COL6A1: variants seen among roughly 807,000 people sequenced by gnomAD.
COL6A1 encodes the protein collagen type VI alpha 1 chain.
COL6A1 carries 80 observed loss-of-function variants against 145.6 expected under a neutral mutation model. The ratio of observed to expected loss-of-function variants is 0.55; its 90% CI spans 0.46 to 0.66. The LOEUF (loss-of-function observed/expected upper bound fraction) is 0.66. COL6A1 is among the 30% of genes least tolerant of loss of function. COL6A1 has a pLI of 0.00. For synonymous variants in COL6A1, 638 were observed against 622.8 expected (o/e 1.02, Z -0.36); for missense variants, 1,364 against 1,473.8 (o/e 0.93, Z 1.22).
Position 46,002,090 on chromosome 21 carries a change from A to C in COL6A1, c.2066+20A>C. 1 of 1,603,000 alleles carries C rather than the reference A, an allele frequency of 6.2e-7. No homozygotes were observed. The highest frequency in any genetic ancestry group is 8.5e-7 in the Non-Finnish European group (1 of 1,176,136). Reference sequence around the variant, plus strand: ...CAAGGAGTGAGTGCCCCACGCGGCCAGGACCCTCCCACCCCTCGCCCCGAC... The same window carrying C: ...CAAGGAGTGAGTGCCCCACGCGGCCCGGACCCTCCCACCCCTCGCCCCGAC... On this transcript the variant is annotated intron_variant, in intron 31 of 34. Coordinates refer to ENST00000361866, the MANE Select transcript of COL6A1 (RefSeq NM_001848.3).
At chr21:46,000,991 C>T in intron 29 of COL6A1, 2 of 709,054 alleles carry the variant, frequency 2.8e-6, no homozygotes, top group South Asian at 1.7e-5. Flanking sequence ...CAGGAGCAGG[C>T]TTGGGGGGGT....
chr21:45,986,763 TC>T, intron 4 of COL6A1, 78 bp downstream of exon 4: 1 of 1,523,012 alleles, frequency 6.6e-7, no homozygotes. Context: ...GCTGGGACCG[TC>T]TTTTGGTCCT....
In COL6A1 at chr21:45,989,678, G is replaced by T. The variant is rs191693749; in HGVS notation, c.903+26G>T. ...GTACGTGCCCCCCCTTTCCTGGCCC[G>T]AGCCCGGTGGTGCCCTCAGCCTTGC... On this transcript the variant is annotated intron_variant, in intron 10 of 34. Coordinates refer to ENST00000361866, the MANE Select transcript of COL6A1 (RefSeq NM_001848.3). The T allele has an allele frequency of 2.5e-6, 4 of 1,613,124 alleles. No individual in the cohort carries two copies. In the South Asian group the frequency reaches 4.4e-5, roughly 18 times the overall value.
At position 46,004,003 on chromosome 21, in the gene COL6A1, C is replaced by T. The variant is rs767414809; in HGVS notation, c.3077C>T (p.Ala1026Val). The change falls in exon 35 of 35, where the codon GCG becomes GTG. Residue 1026 changes from alanine to valine, a missense_variant. By Grantham distance (64) the Ala-to-Val change is moderately conservative (BLOSUM62 0). Around this residue, in one of 3 missense-constraint regions of COL6A1, gnomAD observed 938 missense variants for 1,003.8 expected, o/e 0.93. Coordinates refer to ENST00000361866, the MANE Select transcript of COL6A1 (RefSeq NM_001848.3). ...CACCAGACAGTCTCCAGGAAGGTGG[C>T]GCTGGGCTAGCCCACCCTGCACGCC... ...VFHQTVSRKV[A>V]LG is the part of the protein sequence containing the mutation. The T allele has an allele frequency of 9.9e-6, 16 of 1,612,970 alleles. No individual in the cohort carries two copies. The highest frequency in any genetic ancestry group is 6.6e-5 in the South Asian group (6 of 91,078).
chr21:46,001,273 G>C lies in COL6A1; in HGVS notation c.1843G>C (p.Asp615His), dbSNP rs752639793. The C allele has an allele frequency of 4.3e-6, 7 of 1,610,270 alleles. No homozygotes were observed. The highest frequency in any genetic ancestry group is 4.0e-5 in the African/African-American group (3 of 74,924). Residue 615 changes from aspartate to histidine, a missense_variant, in exon 30 of 35, where the codon GAC (aspartate) becomes CAC (histidine). Transcript: ENST00000361866. ...SCCECKCGPIDLLFVLDSSES... is the reference protein window; with the variant it reads ...SCCECKCGPIHLLFVLDSSES... The stretch of plus-strand genomic sequence containing the variant: ...TGCAGAATGCAAGTGCGGCCCCATC[G>C]ACCTCCTGTTCGTGCTGGACAGCTC...
At chr21:45,997,053 G>A (rs1246091282) in intron 20 of COL6A1, among the ~76,000 whole-genome samples, 5 of 152,228 alleles carry the variant, frequency 3.3e-5, no homozygotes, top group African/African-American at 1.2e-4. Flanking sequence ...TCACCCCTCC[G>A]TGGGGACCTG....
At chr21:45,998,297 T>C (rs1438074634) in intron 23 of COL6A1, 101 bp from the exon 24 acceptor site, 13 of 1,585,492 alleles carry the variant, frequency 8.2e-6, no homozygotes, top group African/African-American at 1.3e-5. Context: ...AGGAATTCCA[T>C]GGCCGGGATT....
Position 46,003,695 on chromosome 21 carries a change from G to T in COL6A1, c.2769G>T (p.Val923=), listed in dbSNP as rs1407524766. The T allele has an allele frequency of 6.2e-7, 1 of 1,613,076 alleles. No individual in the cohort carries two copies. Among genetic ancestry groups the T allele is most frequent in the Non-Finnish European group, 8.5e-7 (1 of 1,179,948 alleles). ...ACGTCAACGATGCCCTGGGCTATGTGACCCGCTTCTACCGCGAGGCCTCGT... is the reference window on the plus strand; with the variant it reads ...ACGTCAACGATGCCCTGGGCTATGTTACCCGCTTCTACCGCGAGGCCTCGT... The part of the protein sequence containing the change: ...ATDVNDALGY[V]TRFYREASSG... Residue 923 remains valine, a synonymous_variant, in exon 35 of 35, where the codon GTG becomes GTT. Coordinates refer to ENST00000361866, the MANE Select transcript of COL6A1 (RefSeq NM_001848.3).
At chr21:45,987,332 C>T in intron 6 of COL6A1, 157 bp downstream of exon 6, 1 of 1,459,488 alleles carries the variant, frequency 6.9e-7, no homozygotes, top group Non-Finnish European at 9.5e-7. Context: ...ATGTGTGTCC[C>T]CCTGCGTGTC....
At chr21:45,986,922 C>G in intron 4 of COL6A1, 22 bp from the exon 5 acceptor site, 1 of 1,542,596 alleles carries the variant, frequency 6.5e-7, no homozygotes, top group Non-Finnish European at 8.7e-7. Flanking sequence ...CCTGCTCAGC[C>G]CACCCTGAAC....
chr21:46,001,811 G>A, intron 30 of COL6A1, 150 bp from the exon 31 acceptor site: 2 of 695,012 alleles, frequency 2.9e-6, no homozygotes, highest in Non-Finnish European at 5.0e-6. Context: ...CACCCTCTGT[G>A]CACCCAGAGC....
intron 27 of COL6A1, 84 bp from the exon 28 acceptor site, chr21:46,000,247 G>A (rs2077835574): frequency 6.4e-7 from 1 of 1,562,780 alleles, no homozygotes; most frequent in Non-Finnish European, 8.8e-7. Flanking sequence ...GCCCCAGGGA[G>A]GGTGACCTGG....
At position 45,999,226 on chromosome 21, in the gene COL6A1, G is replaced by T. The variant is rs1414002552; in HGVS notation, c.1740+8G>T. ...GGTCCCGAGGGCCCCCAGGTGGGTG[G>T]ATGTGGCTGGGTGAGGCCACGGTGG... On this transcript the variant is annotated splice_region_variant and intron_variant, in intron 26 of 34. Coordinates refer to ENST00000361866, the MANE Select transcript of COL6A1 (RefSeq NM_001848.3). The T allele has an allele frequency of 1.9e-6, 3 of 1,590,314 alleles. No individual in the cohort carries two copies. The Admixed American group carries it at 5.3e-5, about 28-fold the overall frequency.
chr21:45,998,042 G>A (rs2077816231), intron 22 of COL6A1, 79 bp from the exon 23 acceptor site: 1 of 1,548,252 alleles, frequency 6.5e-7, no homozygotes, highest in Non-Finnish European at 8.8e-7. Flanking sequence ...TGCGGGTGAG[G>A]TGCTCCCGGG....
intron 15 of COL6A1, 90 bp downstream of exon 15, chr21:45,991,131 C>T (rs898565129): frequency 1.3e-5 from 18 of 1,437,052 alleles, no homozygotes; most frequent in African/African-American, 5.7e-5. Context: ...AGTCCTGGTC[C>T]GAGCATGTCG....
In COL6A1 at chr21:45,992,767, G is replaced by A. The variant is rs1335446305; in HGVS notation, c.1292G>A (p.Gly431Glu). ...PGERGGPGER[G>E]PRGTPGTRGP... Reference sequence around the variant, plus strand: ...ACTCAGGGTGGCCCTGGAGAGAGAGGACCACGGGGGACCCCAGGCACGCGG... The same window carrying A: ...ACTCAGGGTGGCCCTGGAGAGAGAGAACCACGGGGGACCCCAGGCACGCGG... The change falls in exon 19 of 35, where the codon GGA (glycine) becomes GAA (glutamate). Residue 431 changes from glycine to glutamate, a missense_variant. By Grantham distance (98) the Gly-to-Glu change is moderately conservative. This residue lies in a region of COL6A1 where 938 missense variants were observed against 1,003.8 expected (regional missense o/e 0.93). Transcript: ENST00000361866. 1 of 1,599,682 alleles carries A rather than the reference G, an allele frequency of 6.3e-7. No individual in the cohort carries two copies. Among genetic ancestry groups the A allele is most frequent in the Non-Finnish European group, 8.5e-7 (1 of 1,173,932 alleles).
chr21:45,999,662 C>T lies in COL6A1; in HGVS notation c.1746C>T (p.Pro582=). ...GYRGPEGPQG[P]PGHQGPPGPD... Reference sequence around the variant, plus strand: ...CTACTCCGTTTCTCGGACAGGGACCCCCAGGACACCAAGGACCGCCTGGGC... The same window carrying T: ...CTACTCCGTTTCTCGGACAGGGACCTCCAGGACACCAAGGACCGCCTGGGC... Residue 582 remains proline, a synonymous_variant, in exon 27 of 35, where the codon CCC becomes CCT. Transcript: ENST00000361866. The T allele has an allele frequency of 6.2e-7, 1 of 1,613,482 alleles. No individual in the cohort carries two copies. The highest frequency in any genetic ancestry group is 8.5e-7 in the Non-Finnish European group (1 of 1,179,936).
chr21:45,990,632 A>C, intron 13 of COL6A1, 141 bp from the exon 14 acceptor site: 1 of 686,530 alleles, frequency 1.5e-6, no homozygotes, highest in East Asian at 3.3e-5. Flanking sequence ...GACGGTGTGA[A>C]GGTGACCCCA....
At position 45,990,248 on chromosome 21, in the gene COL6A1, G is replaced by A. The variant is rs368304728; in HGVS notation, c.931-10G>A. 6.2e-6 allele frequency: 10 copies of A among 1,612,664 alleles called. No homozygotes were observed. In the African/African-American group the frequency reaches 1.3e-4, roughly 22 times the overall value. ...AAATACCCCCTCACACCCGCTTCCTGTCTCCGCAGGGCTCCAGGGGACCCA... is the reference window on the plus strand; with the variant it reads ...AAATACCCCCTCACACCCGCTTCCTATCTCCGCAGGGCTCCAGGGGACCCA... On this transcript the variant is annotated splice_polypyrimidine_tract_variant and intron_variant, in intron 11 of 34. Coordinates refer to ENST00000361866, the MANE Select transcript of COL6A1 (RefSeq NM_001848.3).
Sources: gnomAD v4.1 joint callset for allele counts (sites outside exome capture counted in the v4.1 genomes callset) on GRCh38, gnomAD v4.1.1 for gene constraint, gnomAD v4.1.1 regional missense constraint, MANE v1.5 for transcripts, NCBI Gene and HGNC (gene_info 2026-07-23, HGNC 2026-07-21) for gene names.